SLC9B1: variants seen among roughly 807,000 people sequenced by gnomAD.
SLC9B1 encodes sodium/hydrogen exchanger 9B1.
A neutral mutation model predicts 51.7 loss-of-function variants in SLC9B1; 32 were observed. That is an observed-to-expected ratio of 0.62 (90% CI 0.47 to 0.83). SLC9B1 has a LOEUF of 0.83. Among genes scored for constraint, SLC9B1 ranks in the 40% least tolerant of loss-of-function variants. The pLI is 0.00. For missense variants in SLC9B1, 406 were observed against 613.2 expected, an observed-to-expected ratio of 0.66 and a Z score of 3.57; for synonymous variants, 145 against 212.7, an observed-to-expected ratio of 0.68 and a Z score of 2.77.
intron 3 of SLC9B1, among the ~76,000 whole-genome samples, chr4:102,963,672 T>C (rs1234295047): frequency 1.3e-5 from 2 of 152,206 alleles, no homozygotes; most frequent in Non-Finnish European, 2.9e-5. Context: ...ATTTCAAAAA[T>C]GGCCCAAAAT....
In SLC9B1 at chr4:102,904,205, G is replaced by A. The variant is rs377200189; in HGVS notation, c.1332+1309C>T. On this transcript the variant is annotated intron_variant, in intron 11 of 11. Transcript: ENST00000296422. ...CCCAAGTAGCTGTGACTACAAGTGC[G>A]TGCCAACACACCTGACTAATTTTTT... is the stretch of plus-strand genomic sequence containing the variant. Among the ~76,000 whole-genome samples the A allele has an allele frequency of 1.7e-4, 26 of 151,632 alleles. No individual in the cohort carries two copies. In the South Asian group the frequency reaches 4.0e-3, roughly 23 times the overall value.
At chr4:103,011,313 G>A (rs1029549760) in intron 1 of SLC9B1, among the ~76,000 whole-genome samples, 15 of 152,232 alleles carry the variant, frequency 9.9e-5, no homozygotes, top group African/African-American at 3.6e-4. Flanking sequence ...CAATGGGGAA[G>A]GGGTTGAGCC....
chr4:102,999,760 C>A (rs1234145954), intron 1 of SLC9B1, among the ~76,000 whole-genome samples: 1 of 152,032 alleles, frequency 6.6e-6, no homozygotes, highest in Non-Finnish European at 1.5e-5. Context: ...GGGATTTTGC[C>A]CTAGGTGATT....
rs774919856 is a variant in SLC9B1, at chr4:102,949,319, A to G, written c.320T>C (p.Ile107Thr). ...GLFIIFYSAI[I>T]GGKILQLIRI... ...AATGAGTTGTAAAATTTTTCCCCCA[A>G]TAATGGCACTATAAAAAATAATGAA... Residue 107 changes from isoleucine to threonine, a missense_variant, in exon 4 of 12, where the codon ATT becomes ACT. Coordinates refer to ENST00000296422, the MANE Select transcript of SLC9B1 (RefSeq NM_139173.4). The G allele has an allele frequency of 7.5e-6, 12 of 1,610,160 alleles. No individual in the cohort carries two copies. In the East Asian group the frequency reaches 1.6e-4, roughly 21 times the overall value.
chr4:102,917,357 A>G (rs1160473424), intron 7 of SLC9B1, among the ~76,000 whole-genome samples: 1 of 151,986 alleles, frequency 6.6e-6, no homozygotes, highest in Non-Finnish European at 1.5e-5. Flanking sequence ...TTGCCTTTGT[A>G]ATTATGTGAG....
chr4:102,982,595 T>G lies in SLC9B1; in HGVS notation c.211+7205A>C, dbSNP rs576093744. On this transcript the variant is annotated intron_variant, in intron 3 of 11. Transcript: ENST00000296422. Reference sequence around the variant, plus strand: ...GTTTTATAGTTATTACTCAAATAGATCTTGTATATATTTTTGTTAGACATA... The same window carrying G: ...GTTTTATAGTTATTACTCAAATAGAGCTTGTATATATTTTTGTTAGACATA... 9.2e-4 allele frequency among the ~76,000 whole-genome samples: 140 copies of G among 152,256 alleles called. 2 individuals carry two copies. The highest frequency in any genetic ancestry group is 3.3e-3 in the African/African-American group (137 of 41,590).
chr4:102,999,166 C>T lies in SLC9B1; in HGVS notation c.-1-7454G>A, dbSNP rs143042750. Among the ~76,000 whole-genome samples the T allele has an allele frequency of 4.1e-3, 627 of 152,180 alleles. 3 individuals carry two copies. Among genetic ancestry groups the T allele is most frequent in the African/African-American group, 0.014 (571 of 41,530 alleles). On this transcript the variant is annotated intron_variant, in intron 1 of 11. Coordinates refer to ENST00000296422, the MANE Select transcript of SLC9B1 (RefSeq NM_139173.4). Reference sequence around the variant, plus strand: ...TAAAATTGGGATGTTTGTTTTTTTCCGTTGCTGAGTTGTAGGAGTTCTTTA... The same window carrying T: ...TAAAATTGGGATGTTTGTTTTTTTCTGTTGCTGAGTTGTAGGAGTTCTTTA...
At chr4:102,923,370 T>G (rs1366558629) in intron 7 of SLC9B1, among the ~76,000 whole-genome samples, 2 of 152,206 alleles carry the variant, frequency 1.3e-5, no homozygotes, top group Non-Finnish European at 2.9e-5. Context: ...CAGCCCTTCA[T>G]GCTAAGAACT....
intron 3 of SLC9B1, chr4:102,962,732 G>A: frequency 2.1e-6 from 1 of 471,042 alleles, no homozygotes; most frequent in South Asian, 1.6e-5. Context: ...AATCCCTCTT[G>A]AGCAGTCACT....
intron 7 of SLC9B1, among the ~76,000 whole-genome samples, chr4:102,914,937 T>C (rs531994006): frequency 1.3e-5 from 2 of 152,276 alleles, no homozygotes; most frequent in East Asian, 3.9e-4. Context: ...TGAGACACAT[T>C]ACAATCAAAC....
At chr4:102,936,474 A>G (rs1736728077) in intron 6 of SLC9B1, among the ~76,000 whole-genome samples, 1 of 152,258 alleles carries the variant, frequency 6.6e-6, no homozygotes, top group South Asian at 2.1e-4. Flanking sequence ...ATTCAGAAGA[A>G]AGTCAAAATC....
intron 6 of SLC9B1, among the ~76,000 whole-genome samples, chr4:102,939,572 G>T (rs945112524): frequency 2.0e-5 from 3 of 152,102 alleles, no homozygotes; most frequent in African/African-American, 7.2e-5. Context: ...GCATCATTCA[G>T]ATATGAAAAC....
intron 6 of SLC9B1, among the ~76,000 whole-genome samples, chr4:102,936,229 G>A (rs1736716994): frequency 2.0e-5 from 3 of 152,068 alleles, no homozygotes; most frequent in South Asian, 2.1e-4. Context: ...ACCCTCAAGG[G>A]CATTAAAGAA....
Position 102,905,500 on chromosome 4 carries a change from T to C in SLC9B1, c.1332+14A>G, listed in dbSNP as rs1464618641. On this transcript the variant is annotated intron_variant, in intron 11 of 11. Coordinates refer to ENST00000296422, the MANE Select transcript of SLC9B1 (RefSeq NM_139173.4). ...AAATGAAAGCATTAAGCAACAGGCT[T>C]AATATGTTCTTACCTGTACTGTAGC... 1.2e-6 allele frequency: 2 copies of C among 1,601,030 alleles called. No individual in the cohort carries two copies. The highest frequency in any genetic ancestry group is 3.5e-5 in the Admixed American group (2 of 57,530).
At chr4:102,984,770 C>G (rs1327401285) in intron 3 of SLC9B1, among the ~76,000 whole-genome samples, 1 of 152,096 alleles carries the variant, frequency 6.6e-6, no homozygotes, top group Non-Finnish European at 1.5e-5. Context: ...TGTCTCTGTC[C>G]ATTTCGGATA....
At chr4:102,921,402 CTGAAGGAAG>C (rs1446716573) in intron 7 of SLC9B1, among the ~76,000 whole-genome samples, 3 of 152,178 alleles carry the variant, frequency 2.0e-5, no homozygotes, top group Admixed American at 6.5e-5. Flanking sequence ...ACAAGAGCTC[CTGAAGGAAG>C]CACTAAACAT....
chr4:102,994,461 T>C (rs3960788), intron 1 of SLC9B1, among the ~76,000 whole-genome samples: 79,416 of 151,992 alleles, frequency 0.52, 22,707 homozygotes, highest in African/African-American at 0.77. Context: ...CAAGTCTCTA[T>C]GAAGTTCCAC....
chr4:102,949,907 G>A (rs1737461351), intron 3 of SLC9B1, among the ~76,000 whole-genome samples: 1 of 152,010 alleles, frequency 6.6e-6, no homozygotes, highest in Non-Finnish European at 1.5e-5. Flanking sequence ...GTTGCAGTGA[G>A]CCAAGATTGT....
chr4:103,000,670 C>A (rs1740471890), intron 1 of SLC9B1, among the ~76,000 whole-genome samples: 1 of 152,244 alleles, frequency 6.6e-6, no homozygotes, highest in African/African-American at 2.4e-5. Flanking sequence ...CCATGTCTCA[C>A]ATCCAGGGCA....
Sources: gnomAD v4.1 joint callset for allele counts (sites outside exome capture counted in the v4.1 genomes callset) on GRCh38, gnomAD v4.1.1 for gene constraint, MANE v1.5 for transcripts, NCBI Gene and HGNC (gene_info 2026-07-23, HGNC 2026-07-21) for gene names.